Variants in PPP3CA observed in about 807,000 individuals in gnomAD.
PPP3CA encodes the protein protein phosphatase 3 catalytic subunit alpha.
A neutral mutation model predicts 66.5 loss-of-function variants in PPP3CA; 14 were observed. The ratio of observed to expected loss-of-function variants is 0.21; its 90% CI spans 0.14 to 0.33. The LOEUF (loss-of-function observed/expected upper bound fraction) is 0.33, where lower values mean the gene tolerates loss of function less well. Ranked by LOEUF, PPP3CA falls within the 10% of genes least tolerant of loss-of-function variation. The pLI is 1.00. For missense variants in PPP3CA, 317 were observed against 639.5 expected (o/e 0.50, Z 5.44); for synonymous variants, 232 against 226.2 (o/e 1.03, Z -0.23).
chr4:101,171,350 C>CAAAA (rs35058537), intron 2 of PPP3CA: 29 of 191,702 alleles, frequency 1.5e-4, no homozygotes, highest in East Asian at 2.7e-4. Context: ...ACAATTCTTT[C>CAAAA]AAAAAAAAAA....
At chr4:101,129,589 A>G (rs2110281264) in intron 2 of PPP3CA, among the ~76,000 whole-genome samples, 1 of 152,340 alleles carries the variant, frequency 6.6e-6, no homozygotes, top group East Asian at 1.9e-4. Flanking sequence ...TCTGCTAGTG[A>G]TAACCAGGCA....
intron 1 of PPP3CA, among the ~76,000 whole-genome samples, chr4:101,243,523 C>A (rs1163120822): frequency 6.6e-6 from 1 of 151,974 alleles, no homozygotes; most frequent in Non-Finnish European, 1.5e-5. Context: ...GCCTTTTTTC[C>A]TGTCATTATA....
intron 6 of PPP3CA, among the ~76,000 whole-genome samples, chr4:101,086,363 A>C (rs1194458369): frequency 6.6e-6 from 1 of 152,122 alleles, no homozygotes; most frequent in African/African-American, 2.4e-5. Flanking sequence ...AAAGAAAAAA[A>C]TGTAATAAAT....
intron 1 of PPP3CA, among the ~76,000 whole-genome samples, chr4:101,272,076 C>G (rs565911213): frequency 6.6e-6 from 1 of 152,070 alleles, no homozygotes; most frequent in South Asian, 2.1e-4. Flanking sequence ...TCCCTTACAC[C>G]CCGCCACTCC....
At position 101,105,935 on chromosome 4, in the gene PPP3CA, C is replaced by G. The variant is rs1730646093; in HGVS notation, c.384+3019G>C. 2.0e-5 allele frequency among the ~76,000 whole-genome samples: 3 copies of G among 152,042 alleles called. No individual in the cohort carries two copies. In the South Asian group the frequency reaches 6.2e-4, roughly 32 times the overall value. Reference sequence around the variant, plus strand: ...AAGTAGGATGCCTATTTCATTCATCCTGAAAAACTTTATTAGGAGTGCTAC... The same window carrying G: ...AAGTAGGATGCCTATTTCATTCATCGTGAAAAACTTTATTAGGAGTGCTAC... On this transcript the variant is annotated intron_variant, in intron 3 of 13. Coordinates refer to ENST00000394854, the MANE Select transcript of PPP3CA (RefSeq NM_000944.5).
At chr4:101,044,034 TC>T (rs1438420957) in intron 10 of PPP3CA, among the ~76,000 whole-genome samples, 6 of 152,222 alleles carry the variant, frequency 3.9e-5, no homozygotes. Flanking sequence ...GTACCTTCAA[TC>T]TTTTCCATAT....
chr4:101,027,265 A>G (rs867375130), intron 13 of PPP3CA, among the ~76,000 whole-genome samples: 43 of 147,246 alleles, frequency 2.9e-4, no homozygotes, highest in South Asian at 1.3e-3. Context: ...TGGGGGGGAA[A>G]AAAAAAAAAA....
chr4:101,204,237 G>A (rs1021102335), intron 1 of PPP3CA, among the ~76,000 whole-genome samples: 3 of 152,106 alleles, frequency 2.0e-5, no homozygotes, highest in African/African-American at 7.2e-5. Flanking sequence ...AAACTCCTAG[G>A]CTCAAGCAAT....
intron 2 of PPP3CA, among the ~76,000 whole-genome samples, chr4:101,131,329 G>C (rs1221136237): frequency 6.6e-6 from 1 of 150,986 alleles, no homozygotes; most frequent in African/African-American, 2.4e-5. Context: ...AGACCCATTG[G>C]TGTGCTGTAT....
At chr4:101,124,974 A>G (rs559437942) in intron 2 of PPP3CA, among the ~76,000 whole-genome samples, 2 of 152,330 alleles carry the variant, frequency 1.3e-5, no homozygotes, top group East Asian at 3.9e-4. Flanking sequence ...CTACAGATGT[A>G]AAATATTCTT....
chr4:101,265,696 T>C (rs1162991999), intron 1 of PPP3CA, among the ~76,000 whole-genome samples: 1 of 152,124 alleles, frequency 6.6e-6, no homozygotes, highest in Non-Finnish European at 1.5e-5. Context: ...AGTCAAATGA[T>C]AACCCAAATA....
chr4:101,093,633 A>G (rs1198764767), intron 6 of PPP3CA, 143 bp downstream of exon 6: 15 of 818,988 alleles, frequency 1.8e-5, no homozygotes, highest in Non-Finnish European at 2.6e-5. Context: ...ATTTATTTAT[A>G]TTTTCATTTT....
intron 1 of PPP3CA, among the ~76,000 whole-genome samples, chr4:101,288,168 T>C (rs961474686): frequency 1.3e-5 from 2 of 152,186 alleles, no homozygotes; most frequent in Non-Finnish European, 2.9e-5. Context: ...AGGCTATATC[T>C]GAAGGCACAA....
At chr4:101,061,945 G>A (rs1325616542) in intron 9 of PPP3CA, among the ~76,000 whole-genome samples, 2 of 151,988 alleles carry the variant, frequency 1.3e-5, no homozygotes, top group Admixed American at 1.3e-4. Context: ...AAAGTAATAT[G>A]CTATTTAAAA....
At chr4:101,089,254 CA>C (rs111619376) in intron 6 of PPP3CA, among the ~76,000 whole-genome samples, 6 of 149,198 alleles carry the variant, frequency 4.0e-5, no homozygotes, top group East Asian at 2.0e-4. Flanking sequence ...AGAAGAAAGA[CA>C]AAAAAAAAGA....
At position 101,204,550 on chromosome 4, in the gene PPP3CA, G is replaced by T. The variant is rs544803489; in HGVS notation, c.59-8434C>A. On this transcript the variant is annotated intron_variant, in intron 1 of 13. Transcript: ENST00000394854. ...ACTCTGGAGGCTGAGGCAGGAGAAT[G>T]GCGCAAACCTGGGAAGCGGAGCATG... 4.0e-5 allele frequency among the ~76,000 whole-genome samples: 6 copies of T among 150,860 alleles called. No homozygotes were observed. The South Asian group carries it at 1.3e-3, about 32-fold the overall frequency.
chr4:101,260,248 A>G (rs1726969479), intron 1 of PPP3CA, among the ~76,000 whole-genome samples: 2 of 152,282 alleles, frequency 1.3e-5, no homozygotes, highest in South Asian at 2.1e-4. Flanking sequence ...ATTTTCAGAG[A>G]TGGAAAAGAA....
chr4:101,093,904 G>C lies in PPP3CA; in HGVS notation c.654C>G (p.Phe218Leu), dbSNP rs1405078762. Residue 218 changes from phenylalanine to leucine, a missense_variant, in exon 6 of 14, where the codon TTC becomes TTG. Physicochemically the swap from Phe to Leu is conservative, Grantham distance 22 (BLOSUM62 0). Around this residue, in one of 3 missense-constraint regions of PPP3CA, gnomAD observed 201 missense variants for 501.4 expected, o/e 0.40. Transcript: ENST00000394854. Reference sequence around the variant, plus strand: ...TAGGTCCATATGCAGGTGGTTCTTTGAATCGGTCTAACTAAGAAAAATAGA... The same window carrying C: ...TAGGTCCATATGCAGGTGGTTCTTTCAATCGGTCTAACTAAGAAAAATAGA... The part of the protein sequence containing the change: ...TLDDIRKLDR[F>L]KEPPAYGPMC... 6.2e-7 allele frequency: 1 copy of C among 1,605,002 alleles called. No individual in the cohort carries two copies. The highest frequency in any genetic ancestry group is 2.2e-5 in the East Asian group (1 of 44,760).
At chr4:101,334,638 A>C (rs1729568093) in intron 1 of PPP3CA, among the ~76,000 whole-genome samples, 1 of 152,186 alleles carries the variant, frequency 6.6e-6, no homozygotes, top group Non-Finnish European at 1.5e-5. Flanking sequence ...TCTTATCTTA[A>C]ACAATCATGA....
Sources: allele counts gnomAD v4.1 joint callset (sites outside exome capture counted in the v4.1 genomes callset), GRCh38; gene constraint gnomAD v4.1.1; regional missense constraint gnomAD v4.1.1; transcripts MANE v1.5; gene names NCBI Gene and HGNC (gene_info 2026-07-23, HGNC 2026-07-21).